Variants in CA10 observed in about 807,000 individuals in gnomAD.
CA10 encodes the protein carbonic anhydrase 10 (inactive), also known as carbonic anhydrase-related protein 10.
In CA10, 14 loss-of-function variants were observed where a neutral mutation model predicts 44.2. That is an observed-to-expected ratio of 0.32 (90% confidence interval 0.21 to 0.50). CA10 has a LOEUF of 0.50. Ranked by LOEUF, CA10 falls within the 20% of genes least tolerant of loss-of-function variation. The pLI, the probability that CA10 is intolerant of heterozygous loss-of-function variation, is 0.99. For missense variants in CA10, 350 were observed against 409.7 expected, an observed-to-expected ratio of 0.85 and a Z score of 1.26; for synonymous variants, 159 against 141.6, an observed-to-expected ratio of 1.12 and a Z score of -0.87.
At chr17:51,771,748 T>A (rs1405414185) in intron 3 of CA10, among the ~76,000 whole-genome samples, 3 of 152,192 alleles carry the variant, frequency 2.0e-5, no homozygotes, top group Non-Finnish European at 4.4e-5. Context: ...AACAATGGTT[T>A]CCTAGGTTCT....
At chr17:52,004,071 ATGAT>A (rs1312526417) in intron 2 of CA10, among the ~76,000 whole-genome samples, 3 of 151,940 alleles carry the variant, frequency 2.0e-5, no homozygotes, top group Non-Finnish European at 4.4e-5. Context: ...TCTACTTATG[ATGAT>A]TGATTTGTAG....
chr17:51,965,940 C>G (rs574196531), intron 2 of CA10, among the ~76,000 whole-genome samples: 1 of 151,890 alleles, frequency 6.6e-6, no homozygotes, highest in East Asian at 1.9e-4. Context: ...GTCCACACTG[C>G]TGATAATGAT....
At chr17:51,805,471 AC>A (rs2143727172) in intron 3 of CA10, among the ~76,000 whole-genome samples, 1 of 152,340 alleles carries the variant, frequency 6.6e-6, no homozygotes, top group South Asian at 2.1e-4. Flanking sequence ...CTGTGGCTAT[AC>A]ATCAGAATCC....
chr17:52,114,703 A>C (rs1598221948), intron 1 of CA10, among the ~76,000 whole-genome samples: 1 of 152,130 alleles, frequency 6.6e-6, no homozygotes, highest in South Asian at 2.1e-4. Context: ...GGAGTTTATC[A>C]ATTTGGTAGT....
chr17:51,867,049 T>C (rs978780453), intron 3 of CA10, among the ~76,000 whole-genome samples: 1 of 151,974 alleles, frequency 6.6e-6, no homozygotes. Context: ...GGCAATGAGA[T>C]TGACATATTT....
chr17:51,747,821 G>A lies in CA10; in HGVS notation c.280-3C>T. The A allele has an allele frequency of 6.2e-7, 1 of 1,605,238 alleles. No homozygotes were observed. The highest frequency in any genetic ancestry group is 8.5e-7 in the Non-Finnish European group (1 of 1,175,578). Reference sequence around the variant, plus strand: ...GTGTTGTACATGGTCCCACTGACCTGCAAGGCAATTAGCAACAGGTCAAGC... The same window carrying A: ...GTGTTGTACATGGTCCCACTGACCTACAAGGCAATTAGCAACAGGTCAAGC... On this transcript the variant is annotated splice_region_variant and splice_polypyrimidine_tract_variant and intron_variant, in intron 3 of 8. Coordinates refer to ENST00000451037, the MANE Select transcript of CA10 (RefSeq NM_020178.5).
intron 4 of CA10, among the ~76,000 whole-genome samples, chr17:51,714,823 G>A (rs963868702): frequency 2.0e-5 from 3 of 152,158 alleles, no homozygotes; most frequent in Non-Finnish European, 4.4e-5. Context: ...GGGCAGGGAG[G>A]AATTGGAAAT....
chr17:52,028,875 C>A (rs1371427493), intron 2 of CA10, among the ~76,000 whole-genome samples: 1 of 152,218 alleles, frequency 6.6e-6, no homozygotes, highest in Admixed American at 6.5e-5. Context: ...CTAACACTAA[C>A]TTTTACATTT....
At chr17:51,898,207 A>G (rs1296386666) in intron 3 of CA10, among the ~76,000 whole-genome samples, 1 of 152,090 alleles carries the variant, frequency 6.6e-6, no homozygotes, top group Non-Finnish European at 1.5e-5. Flanking sequence ...TGGGTTTGTC[A>G]TAAGTGGCTC....
rs1913092168 is a variant in CA10 at position 51,641,646 on chromosome 17, C to G, written c.635-5637G>C. Among the ~76,000 whole-genome samples the G allele has an allele frequency of 1.3e-5, 2 of 152,094 alleles. 1 individual carries two copies. The highest frequency in any genetic ancestry group is 4.2e-4 in the South Asian group (2 of 4,818). ...GGTTTTTTGACATGTTCTTGATGAA[C>G]CTGTGATTTATCTTATACTGAGTTC... On this transcript the variant is annotated intron_variant, in intron 6 of 8. Transcript: ENST00000451037.
chr17:51,638,633 A>G (rs1912936034), intron 6 of CA10, among the ~76,000 whole-genome samples: 1 of 152,232 alleles, frequency 6.6e-6, no homozygotes, highest in Admixed American at 6.5e-5. Context: ...TAAGTCCCTA[A>G]GATGTGTCAG....
At chr17:51,742,959 C>A (rs1194537317) in intron 4 of CA10, among the ~76,000 whole-genome samples, 1 of 152,220 alleles carries the variant, frequency 6.6e-6, no homozygotes, top group Non-Finnish European at 1.5e-5. Flanking sequence ...ATATAATCCA[C>A]ATTATGTGGT....
At chr17:51,758,269 G>A (rs1025804354) in intron 3 of CA10, among the ~76,000 whole-genome samples, 7 of 152,152 alleles carry the variant, frequency 4.6e-5, no homozygotes, top group Non-Finnish European at 1.0e-4. Context: ...CATTGAATCT[G>A]TTTTTGATAA....
At chr17:51,894,896 G>A (rs1384110675) in intron 3 of CA10, among the ~76,000 whole-genome samples, 1 of 151,942 alleles carries the variant, frequency 6.6e-6, no homozygotes, top group African/African-American at 2.4e-5. Flanking sequence ...ATAATAGAAA[G>A]ACTGACTTGA....
chr17:52,080,268 C>T (rs1364376066), intron 1 of CA10, among the ~76,000 whole-genome samples: 2 of 151,998 alleles, frequency 1.3e-5, no homozygotes, highest in Admixed American at 6.6e-5. Flanking sequence ...CTGGTTAACA[C>T]GGCAAAACCC....
chr17:51,734,986 T>C (rs977887524), intron 4 of CA10, among the ~76,000 whole-genome samples: 1 of 152,174 alleles, frequency 6.6e-6, no homozygotes, highest in African/African-American at 2.4e-5. Flanking sequence ...CTTTTTCTCC[T>C]GGCAGCCTTA....
intron 2 of CA10, among the ~76,000 whole-genome samples, chr17:51,933,525 T>G (rs1982745058): frequency 1.3e-5 from 2 of 152,142 alleles, no homozygotes; most frequent in Admixed American, 1.3e-4. Flanking sequence ...GATACCATGA[T>G]GTTTAACCCC....
chr17:51,747,775 C>A lies in CA10; in HGVS notation c.323G>T (p.Arg108Leu), dbSNP rs765253021. 1 of 1,613,930 alleles carries A rather than the reference C, an allele frequency of 6.2e-7. No individual in the cohort carries two copies. Among genetic ancestry groups the A allele is most frequent in the South Asian group, 1.1e-5 (1 of 91,042 alleles). ...MYNTGRHVSL[R>L]LDKEHLVNIS... ...GTTGACCAAGTGCTCCTTGTCCAGG[C>A]GAAGGGATACGTGTCTTCCAGTGTT... Residue 108 changes from arginine to leucine, a missense_variant, in exon 4 of 9, where the codon CGC (arginine) becomes CTC (leucine). Arg to Leu is a moderately radical substitution (Grantham distance 102). Transcript: ENST00000451037.
At chr17:51,959,903 CA>C (rs1445207641) in intron 2 of CA10, among the ~76,000 whole-genome samples, 1 of 151,194 alleles carries the variant, frequency 6.6e-6, no homozygotes. Context: ...AAGGCAATCC[CA>C]AATTACTAAA....
Sources: gnomAD v4.1 joint callset for allele counts (sites outside exome capture counted in the v4.1 genomes callset) on GRCh38, gnomAD v4.1.1 for gene constraint, MANE v1.5 for transcripts, NCBI Gene and HGNC (gene_info 2026-07-23, HGNC 2026-07-21) for gene names.